TLN2: variants seen among roughly 807,000 people sequenced by gnomAD.
The protein encoded by TLN2 is talin 2.
A neutral mutation model predicts 294.7 loss-of-function variants in TLN2; 118 were observed. That is an observed-to-expected ratio of 0.40 (90% CI 0.34 to 0.47). The LOEUF (loss-of-function observed/expected upper bound fraction) is 0.47, where lower values mean the gene tolerates loss of function less well. Among genes scored for constraint, TLN2 ranks in the 20% least tolerant of loss-of-function variants. The pLI, the probability that TLN2 is intolerant of heterozygous loss-of-function variation, is 0.84. For missense variants in TLN2, 3,083 were observed against 3,282.2 expected (o/e 0.94, Z 1.48); for synonymous variants, 1,431 against 1,304.5 (o/e 1.10, Z -2.09).
intron 1 of TLN2, among the ~76,000 whole-genome samples, chr15:62,556,831 C>T (rs2042631357): frequency 6.6e-6 from 1 of 152,200 alleles, no homozygotes; most frequent in African/African-American, 2.4e-5. Context: ...CTATGTATAA[C>T]TCACCATTTG....
chr15:62,611,828 T>C (rs139502049), intron 2 of TLN2, among the ~76,000 whole-genome samples: 40 of 152,282 alleles, frequency 2.6e-4, no homozygotes, highest in African/African-American at 8.2e-4. Flanking sequence ...TTCCCCCCAG[T>C]CAGTTTAATG....
intron 2 of TLN2, among the ~76,000 whole-genome samples, chr15:62,610,476 T>C (rs571063753): frequency 6.6e-6 from 1 of 152,326 alleles, no homozygotes; most frequent in South Asian, 2.1e-4. Context: ...CTAAGCTTAT[T>C]TAACACATGC....
At chr15:62,557,776 A>G (rs552464538) in intron 1 of TLN2, among the ~76,000 whole-genome samples, 8 of 152,280 alleles carry the variant, frequency 5.3e-5, no homozygotes, top group African/African-American at 1.9e-4. Context: ...CCTGACCTCA[A>G]GTGATCCACC....
At chr15:62,835,579 C>T in intron 55 of TLN2, 158 bp from the exon 56 acceptor site, 1 of 750,772 alleles carries the variant, frequency 1.3e-6, no homozygotes, top group Non-Finnish European at 2.3e-6. Flanking sequence ...TGGCCTGAGT[C>T]CCACGTGAGA....
At position 62,719,842 on chromosome 15, in the gene TLN2, C is replaced by T. The variant is rs753809631; in HGVS notation, c.2953C>T (p.Gln985Ter). 1 of 1,612,282 alleles carries T rather than the reference C, an allele frequency of 6.2e-7. No individual in the cohort carries two copies. The highest frequency in any genetic ancestry group is 1.1e-5 in the South Asian group (1 of 90,652). The stretch of plus-strand genomic sequence containing the variant: ...AGCTCAAGCTGAAGACCTGAGTGCC[C>T]AGCTGGCTCTCATCATCTCCAGCCA... ...SQAQAEDLSA[Q>*]LALIISSQNF... The change falls in exon 25 of 59, where the codon CAG becomes TAG. Residue 985 changes from glutamine to a stop codon, truncating the protein, a stop_gained. Coordinates refer to ENST00000636159, the MANE Select transcript of TLN2 (RefSeq NM_015059.3). LOFTEE classifies it high-confidence loss of function.
intron 12 of TLN2, among the ~76,000 whole-genome samples, chr15:62,687,323 T>C (rs1469891267): frequency 6.6e-6 from 1 of 152,254 alleles, no homozygotes; most frequent in African/African-American, 2.4e-5. Context: ...CTTGTTCAAG[T>C]TACCTTTCCT....
At chr15:62,402,042 AC>A (rs2033063547) in intron 1 of TLN2, among the ~76,000 whole-genome samples, 1 of 152,156 alleles carries the variant, frequency 6.6e-6, no homozygotes, top group Non-Finnish European at 1.5e-5. Flanking sequence ...AGGGTCAAGA[AC>A]CCTTGCTCTA....
intron 1 of TLN2, among the ~76,000 whole-genome samples, chr15:62,454,694 G>C (rs1345614303): frequency 2.0e-5 from 3 of 152,130 alleles, no homozygotes; most frequent in Non-Finnish European, 4.4e-5. Flanking sequence ...GAGAGGGCAA[G>C]AGCATGGGCA....
chr15:62,463,807 A>G (rs2036952951), intron 1 of TLN2, among the ~76,000 whole-genome samples: 1 of 152,190 alleles, frequency 6.6e-6, no homozygotes, highest in Non-Finnish European at 1.5e-5. Flanking sequence ...GAATGGCATG[A>G]ACCTGGGAGG....
At chr15:62,597,776 A>G (rs981687728) in intron 2 of TLN2, among the ~76,000 whole-genome samples, 5 of 152,166 alleles carry the variant, frequency 3.3e-5, no homozygotes, top group Non-Finnish European at 5.9e-5. Flanking sequence ...AAGTCTATAC[A>G]TGAAGTTTAT....
chr15:62,521,066 G>T (rs568745165), intron 1 of TLN2, among the ~76,000 whole-genome samples: 1 of 152,210 alleles, frequency 6.6e-6, no homozygotes, highest in East Asian at 1.9e-4. Context: ...TCATTCCTTT[G>T]TCCCTCCCAT....
At chr15:62,741,557 C>T (rs1473846140) in intron 32 of TLN2, among the ~76,000 whole-genome samples, 1 of 152,068 alleles carries the variant, frequency 6.6e-6, no homozygotes, top group Non-Finnish European at 1.5e-5. Flanking sequence ...GTGGTGCAGG[C>T]ATGTTTTTTT....
At chr15:62,812,455 G>A (rs967653746) in intron 52 of TLN2, among the ~76,000 whole-genome samples, 3 of 152,120 alleles carry the variant, frequency 2.0e-5, no homozygotes, top group Non-Finnish European at 4.4e-5. Context: ...CTTTATGTCT[G>A]ACACGTACAA....
chr15:62,593,097 G>C (rs955073004), intron 2 of TLN2, among the ~76,000 whole-genome samples: 2 of 152,208 alleles, frequency 1.3e-5, no homozygotes, highest in African/African-American at 4.8e-5. Context: ...TTCAAAGGAG[G>C]ATCTTTGCAG....
chr15:62,466,508 A>T (rs1231729228), intron 1 of TLN2, among the ~76,000 whole-genome samples: 2 of 152,230 alleles, frequency 1.3e-5, no homozygotes, highest in African/African-American at 4.8e-5. Context: ...AAACGTCTCC[A>T]GACATTGCCA....
Position 62,752,193 on chromosome 15 carries a change from C to G in TLN2, c.4210-112C>G, listed in dbSNP as rs566336448. On this transcript the variant is annotated intron_variant, in intron 34 of 58. Coordinates refer to ENST00000636159, the MANE Select transcript of TLN2 (RefSeq NM_015059.3). Reference sequence around the variant, plus strand: ...TTAATCCAAATAAAGGAGAAAATGTCAAATGTTCCAAATTAAGTTGCCTTG... The same window carrying G: ...TTAATCCAAATAAAGGAGAAAATGTGAAATGTTCCAAATTAAGTTGCCTTG... 7.4e-5 allele frequency: 103 copies of G among 1,382,850 alleles called. No individual in the cohort carries two copies. The South Asian group carries it at 1.4e-3, about 18-fold the overall frequency. 85.7% of individuals were successfully genotyped at this position (1,382,850 alleles called of 1,614,324 possible).
At chr15:62,667,572 G>T (rs545122387) in intron 9 of TLN2, among the ~76,000 whole-genome samples, 3 of 152,060 alleles carry the variant, frequency 2.0e-5, no homozygotes, top group African/African-American at 7.2e-5. Flanking sequence ...TTTTCAATTC[G>T]TATGAGCGAT....
At chr15:62,417,081 G>C (rs981989611) in intron 1 of TLN2, among the ~76,000 whole-genome samples, 1 of 152,154 alleles carries the variant, frequency 6.6e-6, no homozygotes, top group Non-Finnish European at 1.5e-5. Flanking sequence ...GGGGAGTGCT[G>C]TGGAGATGGC....
chr15:62,761,923 A>C, intron 38 of TLN2, 102 bp downstream of exon 38: 2 of 1,477,684 alleles, frequency 1.4e-6, no homozygotes, highest in East Asian at 4.6e-5. Flanking sequence ...CTCTGTCAAC[A>C]TGTAGGCTAC....
Sources: allele counts gnomAD v4.1 joint callset (sites outside exome capture counted in the v4.1 genomes callset), GRCh38; gene constraint gnomAD v4.1.1; transcripts MANE v1.5; gene names NCBI Gene and HGNC (gene_info 2026-07-23, HGNC 2026-07-21).